Variants in PTPRM observed in about 807,000 individuals in gnomAD.
The protein encoded by PTPRM is protein tyrosine phosphatase receptor type M, also known as receptor-type tyrosine-protein phosphatase mu.
In PTPRM, 47 loss-of-function variants were observed where a neutral mutation model predicts 186.7. The observed-to-expected ratio is 0.25, with a 90% CI of 0.20 to 0.32. The LOEUF (loss-of-function observed/expected upper bound fraction) is 0.32, where lower values mean the gene tolerates loss of function less well. Among genes scored for constraint, PTPRM ranks in the 10% least tolerant of loss-of-function variants. The pLI is 1.00. For missense variants in PTPRM, 1,494 were observed against 1,865.0 expected (o/e 0.80, Z 3.66); for synonymous variants, 668 against 674.9 (o/e 0.99, Z 0.16).
intron 1 of PTPRM, among the ~76,000 whole-genome samples, chr18:7,582,265 A>G (rs1446387490): frequency 6.6e-6 from 1 of 152,146 alleles, no homozygotes; most frequent in Non-Finnish European, 1.5e-5. Flanking sequence ...CTTTGTGTAT[A>G]TGTGTCTCTC....
At chr18:8,358,292 T>C (rs2095576038) in intron 23 of PTPRM, among the ~76,000 whole-genome samples, 1 of 148,504 alleles carries the variant, frequency 6.7e-6, no homozygotes, top group South Asian at 2.2e-4. Context: ...CACTTGGACA[T>C]GCACACACAC....
intron 21 of PTPRM, among the ~76,000 whole-genome samples, chr18:8,316,592 G>A (rs561027153): frequency 3.7e-4 from 57 of 152,122 alleles, no homozygotes; most frequent in Non-Finnish European, 7.6e-4. Flanking sequence ...TACCTTTCTA[G>A]GTGCTAGCAG....
intron 14 of PTPRM, among the ~76,000 whole-genome samples, chr18:8,190,986 G>A (rs2093702589): frequency 6.6e-6 from 1 of 152,182 alleles, no homozygotes; most frequent in African/African-American, 2.4e-5. Context: ...CTTATCAGCT[G>A]GAAGCCTGCT....
chr18:8,115,921 A>G (rs1356084126), intron 13 of PTPRM, among the ~76,000 whole-genome samples: 1 of 152,048 alleles, frequency 6.6e-6, no homozygotes, highest in African/African-American at 2.4e-5. Flanking sequence ...TGTGTGAGGT[A>G]CTCACCTCAT....
chr18:8,277,407 A>G (rs1038866619), intron 19 of PTPRM, among the ~76,000 whole-genome samples: 2 of 152,218 alleles, frequency 1.3e-5, no homozygotes, highest in African/African-American at 4.8e-5. Context: ...GTGAGACTTG[A>G]GCACAAATTT....
At chr18:7,604,719 A>G (rs565272922) in intron 1 of PTPRM, among the ~76,000 whole-genome samples, 1 of 152,348 alleles carries the variant, frequency 6.6e-6, no homozygotes, top group South Asian at 2.1e-4. Context: ...AAAGGGCCAC[A>G]GAGGCTTTGG....
At chr18:7,822,910 T>C (rs2045277517) in intron 2 of PTPRM, among the ~76,000 whole-genome samples, 1 of 152,160 alleles carries the variant, frequency 6.6e-6, no homozygotes, top group African/African-American at 2.4e-5. Flanking sequence ...CCAGGCTTGC[T>C]CTCCGGGGAA....
intron 7 of PTPRM, among the ~76,000 whole-genome samples, chr18:8,032,852 TAC>T (rs1452278950): frequency 6.6e-6 from 1 of 151,996 alleles, no homozygotes; most frequent in African/African-American, 2.4e-5. Context: ...GGAAAAAAAA[TAC>T]AGTTAGATTA....
chr18:7,688,647 G>A (rs1235905420), intron 1 of PTPRM, among the ~76,000 whole-genome samples: 1 of 152,250 alleles, frequency 6.6e-6, no homozygotes, highest in Non-Finnish European at 1.5e-5. Context: ...ACTTTGGGAA[G>A]AGAGTAGTCC....
chr18:8,088,137 T>A (rs763095641), intron 10 of PTPRM, among the ~76,000 whole-genome samples: 1 of 152,168 alleles, frequency 6.6e-6, no homozygotes, highest in Non-Finnish European at 1.5e-5. Context: ...TTATGCTAAT[T>A]AAAACAAAAC....
intron 11 of PTPRM, among the ~76,000 whole-genome samples, chr18:8,099,961 C>A (rs930398838): frequency 1.6e-4 from 24 of 152,272 alleles, no homozygotes; most frequent in African/African-American, 5.8e-4. Flanking sequence ...GCTCAGCATT[C>A]TGCAGGCTTT....
At chr18:8,272,787 AG>A (rs1568642590) in intron 19 of PTPRM, among the ~76,000 whole-genome samples, 2 of 152,130 alleles carry the variant, frequency 1.3e-5, no homozygotes, top group African/African-American at 4.8e-5. Context: ...TTTTAGATCA[AG>A]CTTTTGTTCA....
At chr18:8,268,754 G>A (rs917629719) in intron 19 of PTPRM, among the ~76,000 whole-genome samples, 1 of 152,010 alleles carries the variant, frequency 6.6e-6, no homozygotes, top group Non-Finnish European at 1.5e-5. Flanking sequence ...TCCCTGGGGT[G>A]CAAGGATGGT....
At chr18:7,920,337 T>A (rs1211192100) in intron 4 of PTPRM, among the ~76,000 whole-genome samples, 1 of 152,188 alleles carries the variant, frequency 6.6e-6, no homozygotes, top group Non-Finnish European at 1.5e-5. Flanking sequence ...GTTTTTCATA[T>A]GTAATGAATC....
At chr18:8,359,037 C>A (rs1385054515) in intron 23 of PTPRM, among the ~76,000 whole-genome samples, 1 of 152,116 alleles carries the variant, frequency 6.6e-6, no homozygotes, top group African/African-American at 2.4e-5. Context: ...TTTAGCCTAC[C>A]CAATTAATCC....
chr18:7,762,880 G>A (rs1568093755), intron 1 of PTPRM, among the ~76,000 whole-genome samples: 1 of 152,198 alleles, frequency 6.6e-6, no homozygotes, highest in Non-Finnish European at 1.5e-5. Context: ...GCCAAACATA[G>A]TTGTGACTTT....
intron 24 of PTPRM, among the ~76,000 whole-genome samples, chr18:8,375,040 C>T (rs1298771809): frequency 6.6e-6 from 1 of 152,120 alleles, no homozygotes; most frequent in Non-Finnish European, 1.5e-5. Flanking sequence ...GCGTTGATTC[C>T]GGTTTTGTTT....
chr18:7,952,748 A>G (rs1049618278), intron 6 of PTPRM, among the ~76,000 whole-genome samples: 10 of 150,142 alleles, frequency 6.7e-5, no homozygotes, highest in African/African-American at 1.5e-4. Context: ...GCTCATGCCT[A>G]TAATCCCAGC....
chr18:8,215,545 CTTTTT>C (rs11334182), intron 14 of PTPRM, among the ~76,000 whole-genome samples: 188 of 116,334 alleles, frequency 1.6e-3, no homozygotes, highest in Non-Finnish European at 3.0e-3. Flanking sequence ...TCTTTCTTTT[CTTTTT>C]TTTTTTTTTT....
Sources: allele counts gnomAD v4.1 joint callset (sites outside exome capture counted in the v4.1 genomes callset), GRCh38; gene constraint gnomAD v4.1.1; transcripts MANE v1.5; gene names NCBI Gene and HGNC (gene_info 2026-07-23, HGNC 2026-07-21).